The following STPG2 variants were observed in gnomAD, a reference collection of about 807,000 sequenced individuals.
The protein encoded by STPG2 is sperm-tail PG-rich repeat-containing protein 2.
A neutral mutation model predicts 54.2 loss-of-function variants in STPG2; 56 were observed. The observed-to-expected ratio is 1.03, with a 90% CI of 0.83 to 1.29. The LOEUF is 1.29. Ranked by LOEUF, STPG2 falls within the 50% of genes most tolerant of loss-of-function variation. The pLI is 0.00. For missense variants in STPG2, 596 were observed against 544.9 expected (o/e 1.09, Z -0.93); for synonymous variants, 200 against 181.8 (o/e 1.10, Z -0.81).
At chr4:98,080,346 A>C (rs1240403392) in intron 5 of STPG2, among the ~76,000 whole-genome samples, 1 of 152,082 alleles carries the variant, frequency 6.6e-6, no homozygotes, top group Non-Finnish European at 1.5e-5. Context: ...TACCTGCCTC[A>C]GTCGCCCAAG....
chr4:97,826,051 C>T (rs1041045404), intron 9 of STPG2, among the ~76,000 whole-genome samples: 1 of 152,126 alleles, frequency 6.6e-6, no homozygotes, highest in Admixed American at 6.6e-5. Flanking sequence ...TGTGGAGAGC[C>T]TTGCCCTCTA....
intron 8 of STPG2, among the ~76,000 whole-genome samples, chr4:97,903,765 G>A (rs890095486): frequency 2.6e-5 from 4 of 152,226 alleles, no homozygotes; most frequent in Non-Finnish European, 4.4e-5. Flanking sequence ...GCCGAAGCAG[G>A]GCGAGACATT....
At chr4:97,514,484 C>T (rs1731035173) in intron 4 of STPG2, among the ~76,000 whole-genome samples, 1 of 151,946 alleles carries the variant, frequency 6.6e-6, no homozygotes, top group Non-Finnish European at 1.5e-5. Context: ...TGAAGTTCTT[C>T]CTAAGACTTC....
intron 5 of STPG2, among the ~76,000 whole-genome samples, chr4:98,076,102 G>A (rs1418728976): frequency 3.3e-5 from 5 of 152,124 alleles, no homozygotes; most frequent in Admixed American, 3.3e-4. Flanking sequence ...AAATTAGCCA[G>A]GCGTGGTGGC....
chr4:98,027,397 T>C (rs944381373), intron 5 of STPG2, among the ~76,000 whole-genome samples: 4 of 152,150 alleles, frequency 2.6e-5, no homozygotes, highest in South Asian at 2.1e-4. Flanking sequence ...CTTAACTCAT[T>C]ACAACAGCAG....
intron 9 of STPG2, among the ~76,000 whole-genome samples, chr4:97,829,190 T>C (rs1728360768): frequency 6.6e-6 from 1 of 152,078 alleles, no homozygotes; most frequent in Non-Finnish European, 1.5e-5. Context: ...GGCGGCAATA[T>C]CTTTGCTGTT....
At chr4:97,465,866 C>G (rs990057099) in intron 4 of STPG2, among the ~76,000 whole-genome samples, 2 of 151,958 alleles carry the variant, frequency 1.3e-5, no homozygotes, top group African/African-American at 2.4e-5. Flanking sequence ...AAGGAACCCA[C>G]AGAGACAGAG....
At chr4:97,955,858 T>C (rs1418942903) in intron 7 of STPG2, among the ~76,000 whole-genome samples, 3 of 152,024 alleles carry the variant, frequency 2.0e-5, no homozygotes, top group African/African-American at 7.2e-5. Flanking sequence ...CTGAAAATAA[T>C]CACCAGCCTA....
At chr4:97,610,458 C>T (rs527336943) in intron 10 of STPG2, among the ~76,000 whole-genome samples, 7 of 152,080 alleles carry the variant, frequency 4.6e-5, no homozygotes, top group Middle Eastern at 3.4e-3. Flanking sequence ...GGGCTCAAAA[C>T]AGAATTGTAC....
intron 5 of STPG2, among the ~76,000 whole-genome samples, chr4:98,043,699 TTTTC>T: frequency 6.6e-6 from 1 of 152,270 alleles, no homozygotes; most frequent in East Asian, 1.9e-4. Context: ...CTTTCATCTT[TTTTC>T]TTTAATAAAA....
At chr4:98,086,380 T>TA (rs961114913) in intron 5 of STPG2, among the ~76,000 whole-genome samples, 1 of 151,810 alleles carries the variant, frequency 6.6e-6, no homozygotes, top group African/African-American at 2.4e-5. Flanking sequence ...TGACTTTAAA[T>TA]AAAAAAGAGG....
intron 7 of STPG2, among the ~76,000 whole-genome samples, chr4:97,951,739 T>C (rs1020655638): frequency 3.3e-5 from 5 of 152,146 alleles, no homozygotes; most frequent in Non-Finnish European, 5.9e-5. Context: ...CATTCCCCCA[T>C]GATGTGTGCT....
intron 1 of STPG2, among the ~76,000 whole-genome samples, chr4:98,135,453 T>A (rs1356738506): frequency 6.6e-6 from 1 of 151,710 alleles, no homozygotes; most frequent in African/African-American, 2.4e-5. Flanking sequence ...AAAAGTAATA[T>A]CTTGAAGCAT....
At chr4:97,871,401 TA>T (rs1315043452) in intron 8 of STPG2, among the ~76,000 whole-genome samples, 4 of 150,474 alleles carry the variant, frequency 2.7e-5, no homozygotes, top group African/African-American at 7.3e-5. Context: ...GTAGCTAATC[TA>T]ATTTTTTTTT....
intron 9 of STPG2, among the ~76,000 whole-genome samples, chr4:97,716,542 C>G (rs940557197): frequency 2.0e-5 from 3 of 151,930 alleles, no homozygotes; most frequent in African/African-American, 7.3e-5. Context: ...AGTTCATGTC[C>G]TTTGCAGGGA....
intron 9 of STPG2, among the ~76,000 whole-genome samples, chr4:97,771,309 G>A (rs928552586): frequency 6.6e-6 from 1 of 152,118 alleles, no homozygotes; most frequent in Non-Finnish European, 1.5e-5. Flanking sequence ...GTAACTCTAG[G>A]ATATAAGAAA....
chr4:98,021,004 G>A (rs1337065622), intron 5 of STPG2, among the ~76,000 whole-genome samples: 1 of 151,686 alleles, frequency 6.6e-6, no homozygotes, highest in Admixed American at 6.6e-5. Context: ...AGGGTTTTTT[G>A]TGTCTTTGTT....
At chr4:97,883,987 G>T (rs1730471240) in intron 8 of STPG2, among the ~76,000 whole-genome samples, 1 of 152,096 alleles carries the variant, frequency 6.6e-6, no homozygotes, top group Non-Finnish European at 1.5e-5. Context: ...AGGCAAAGAT[G>T]GGGAAGAAGT....
At chr4:97,885,822 T>C (rs1285324231) in intron 8 of STPG2, among the ~76,000 whole-genome samples, 2 of 151,996 alleles carry the variant, frequency 1.3e-5, no homozygotes, top group African/African-American at 4.8e-5. Context: ...GGTACAACTG[T>C]AAATCAAAAT....
Sources: allele counts gnomAD v4.1 joint callset (sites outside exome capture counted in the v4.1 genomes callset), GRCh38; gene constraint gnomAD v4.1.1; transcripts MANE v1.5; gene names NCBI Gene and HGNC (gene_info 2026-07-23, HGNC 2026-07-21).